The following DROSHA variants were observed in gnomAD, a reference collection of about 807,000 sequenced individuals.
DROSHA encodes drosha ribonuclease III.
A neutral mutation model predicts 181.9 loss-of-function variants in DROSHA; 56 were observed. The observed-to-expected ratio is 0.31, with a 90% confidence interval of 0.25 to 0.38. The LOEUF is 0.38. DROSHA is among the 10% of genes least tolerant of loss of function. DROSHA has a pLI of 1.00. For synonymous variants in DROSHA, 524 were observed against 591.2 expected (o/e 0.89, Z 1.65); for missense variants, 1,218 against 1,743.5 (o/e 0.70, Z 5.37).
chr5:31,450,918 T>C (rs1365845441), intron 21 of DROSHA, among the ~76,000 whole-genome samples: 1 of 152,100 alleles, frequency 6.6e-6, no homozygotes, highest in Non-Finnish European at 1.5e-5. Flanking sequence ...TCCACATCTT[T>C]AGGCTGGGCG....
chr5:31,430,166 T>C (rs1743997604), intron 26 of DROSHA, among the ~76,000 whole-genome samples: 1 of 152,244 alleles, frequency 6.6e-6, no homozygotes, highest in African/African-American at 2.4e-5. Flanking sequence ...TCAGAAAGGC[T>C]ACTTTTCCAT....
rs757002340 is a variant in DROSHA, at chr5:31,448,550, G to T, written c.2879C>A (p.Ser960Ter). The change falls in exon 23 of 36, where the codon TCG becomes TAG. Residue 960 changes from serine to a stop codon, truncating the protein, a stop_gained. Coordinates refer to ENST00000344624, the MANE Select transcript of DROSHA (RefSeq NM_001382508.1). LOFTEE classifies it high-confidence loss of function. ...SRLGQDDPTPSRINHNERLEF... is the reference protein window; with the variant it reads ...SRLGQDDPTP Reference sequence around the variant, plus strand: ...GTTTATTAAAAATCAACTTTACCTCGAGGGAGTTGGGTCATCTTGGCCAAG... The same window carrying T: ...GTTTATTAAAAATCAACTTTACCTCTAGGGAGTTGGGTCATCTTGGCCAAG... 6.2e-7 allele frequency: 1 copy of T among 1,612,936 alleles called. No homozygotes were observed. The highest frequency in any genetic ancestry group is 8.5e-7 in the Non-Finnish European group (1 of 1,179,096).
chr5:31,474,884 T>A (rs1750187821), intron 16 of DROSHA, among the ~76,000 whole-genome samples: 2 of 152,210 alleles, frequency 1.3e-5, no homozygotes, highest in Admixed American at 6.5e-5. Flanking sequence ...ACCACGATGA[T>A]GCCCTGATCT....
chr5:31,416,614 T>A (rs1372228556), intron 30 of DROSHA, among the ~76,000 whole-genome samples: 1 of 151,730 alleles, frequency 6.6e-6, no homozygotes, highest in Non-Finnish European at 1.5e-5. Flanking sequence ...AAAGGAAGAG[T>A]AGAAGATACC....
At chr5:31,435,715 C>G in intron 25 of DROSHA, 50 bp downstream of exon 25, 1 of 1,541,240 alleles carries the variant, frequency 6.5e-7, no homozygotes, top group South Asian at 1.2e-5. Flanking sequence ...GCATGGACCG[C>G]AGAAGAGCAT....
chr5:31,489,893 T>TC (rs376388811), intron 13 of DROSHA, among the ~76,000 whole-genome samples: 4 of 54,932 alleles, frequency 7.3e-5, no homozygotes, highest in Non-Finnish European at 3.3e-4. Context: ...TTTTTCTTTT[T>TC]TTGACGCGGA....
intron 33 of DROSHA, among the ~76,000 whole-genome samples, chr5:31,408,489 G>A (rs1191607950): frequency 6.6e-6 from 1 of 152,138 alleles, no homozygotes; most frequent in Non-Finnish European, 1.5e-5. Context: ...AAGTGGTGTA[G>A]TGACCCATTA....
At chr5:31,403,184 T>C (rs537367935) in intron 35 of DROSHA, among the ~76,000 whole-genome samples, 1 of 152,352 alleles carries the variant, frequency 6.6e-6, no homozygotes, top group Non-Finnish European at 1.5e-5. Context: ...AGGTTTCAAA[T>C]ATAACTACTT....
intron 23 of DROSHA, among the ~76,000 whole-genome samples, chr5:31,438,441 G>GTATTGA (rs370786868): frequency 5.9e-5 from 9 of 152,190 alleles, no homozygotes; most frequent in African/African-American, 2.2e-4. Context: ...CTGAAAATAA[G>GTATTGA]TATTGATAGC....
intron 26 of DROSHA, among the ~76,000 whole-genome samples, chr5:31,430,440 G>A (rs995680012): frequency 1.3e-5 from 2 of 152,178 alleles, no homozygotes; most frequent in Non-Finnish European, 2.9e-5. Flanking sequence ...TAAGGAAGTA[G>A]AGCTTTGCTC....
At position 31,495,263 on chromosome 5, in the gene DROSHA, C is replaced by G. The variant is rs1163664424; in HGVS notation, c.1755+23G>C. The G allele has an allele frequency of 5.6e-6, 9 of 1,602,674 alleles. No individual in the cohort carries two copies. In the African/African-American group the frequency reaches 1.2e-4, roughly 21 times the overall value. ...CTCTATTTACATTTTAAATGATATG[C>G]ATGTGATTCTTTAGAAACTTACTAA... On this transcript the variant is annotated intron_variant, in intron 12 of 35. Coordinates refer to ENST00000344624, the MANE Select transcript of DROSHA (RefSeq NM_001382508.1).
At chr5:31,429,876 G>A (rs1198175425) in intron 26 of DROSHA, among the ~76,000 whole-genome samples, 2 of 151,920 alleles carry the variant, frequency 1.3e-5, no homozygotes, top group South Asian at 2.1e-4. Context: ...TAAAGCAAAT[G>A]TTCTGTTTTA....
chr5:31,473,224 T>C (rs958749310), intron 16 of DROSHA, among the ~76,000 whole-genome samples: 16 of 152,192 alleles, frequency 1.1e-4, no homozygotes, highest in African/African-American at 3.9e-4. Context: ...AGTGTCCTCC[T>C]TGGTCAGAGG....
chr5:31,472,425 C>G (rs959575606), intron 16 of DROSHA, among the ~76,000 whole-genome samples, 193 bp from the exon 17 acceptor site: 2 of 152,144 alleles, frequency 1.3e-5, no homozygotes, highest in Non-Finnish European at 2.9e-5. Flanking sequence ...ATGAACAGTG[C>G]TCATAAACCA....
chr5:31,527,256 C>G (rs1340471933), intron 4 of DROSHA, among the ~76,000 whole-genome samples: 1 of 152,174 alleles, frequency 6.6e-6, no homozygotes, highest in Non-Finnish European at 1.5e-5. Flanking sequence ...CTGATCTTGA[C>G]CTCACAAGAT....
At chr5:31,457,352 T>C (rs890231209) in intron 20 of DROSHA, among the ~76,000 whole-genome samples, 3 of 152,080 alleles carry the variant, frequency 2.0e-5, no homozygotes, top group South Asian at 4.1e-4. Flanking sequence ...CTCGAACTAC[T>C]GACCTCAGGT....
At chr5:31,528,336 A>G (rs1163557435) in intron 4 of DROSHA, among the ~76,000 whole-genome samples, 1 of 152,072 alleles carries the variant, frequency 6.6e-6, no homozygotes, top group African/African-American at 2.4e-5. Context: ...TGGACCAACA[A>G]ATTCAACATA....
chr5:31,467,263 C>G (rs1266345473), intron 18 of DROSHA: 1 of 149,306 alleles, frequency 6.7e-6, no homozygotes, highest in African/African-American at 2.4e-5. Flanking sequence ...ATCTCCCATG[C>G]CCTTTTCTCC....
intron 15 of DROSHA, 25 bp downstream of exon 15, chr5:31,484,856 C>G (rs1409137048): frequency 4.1e-6 from 6 of 1,471,208 alleles, no homozygotes; most frequent in East Asian, 2.5e-5. Context: ...AAACACTACT[C>G]TCTTCTTTAA....
Sources: gnomAD v4.1 joint callset for allele counts (sites outside exome capture counted in the v4.1 genomes callset) on GRCh38, gnomAD v4.1.1 for gene constraint, MANE v1.5 for transcripts, NCBI Gene and HGNC (gene_info 2026-07-23, HGNC 2026-07-21) for gene names.